PPP2R2B: variants seen among roughly 807,000 people sequenced by gnomAD.
PPP2R2B encodes the protein serine/threonine-protein phosphatase 2A 55 kDa regulatory subunit B beta isoform.
In PPP2R2B, 5 loss-of-function variants were observed where a neutral mutation model predicts 46.0. That is an observed-to-expected ratio of 0.11 (90% CI 0.06 to 0.23). The LOEUF (loss-of-function observed/expected upper bound fraction) is 0.23, where lower values mean the gene tolerates loss of function less well. Ranked by LOEUF, PPP2R2B falls within the 10% of genes least tolerant of loss-of-function variation. The pLI, the probability that PPP2R2B is intolerant of heterozygous loss-of-function variation, is 1.00. For missense variants in PPP2R2B, 367 were observed against 575.0 expected (o/e 0.64, Z 3.70); for synonymous variants, 215 against 206.7 (o/e 1.04, Z -0.34).
At chr5:146,791,033 GA>G (rs1756166720) in intron 2 of PPP2R2B, among the ~76,000 whole-genome samples, 1 of 152,126 alleles carries the variant, frequency 6.6e-6, no homozygotes, top group Non-Finnish European at 1.5e-5. Flanking sequence ...AGATGAAAAA[GA>G]AGAAAAGGCA....
intron 7 of PPP2R2B, among the ~76,000 whole-genome samples, chr5:146,620,532 T>C (rs1272280108): frequency 6.6e-6 from 1 of 152,158 alleles, no homozygotes; most frequent in African/African-American, 2.4e-5. Context: ...GGGCTGGCTT[T>C]ATGAGCGCTC....
chr5:146,963,939 G>C (rs562964693), intron 1 of PPP2R2B, among the ~76,000 whole-genome samples: 2 of 152,244 alleles, frequency 1.3e-5, no homozygotes, highest in South Asian at 4.1e-4. Context: ...TCATTCAGAA[G>C]GTTCTTACAA....
intron 2 of PPP2R2B, among the ~76,000 whole-genome samples, chr5:147,076,047 C>A (rs1757755316): frequency 6.6e-6 from 1 of 152,058 alleles, no homozygotes; most frequent in African/African-American, 2.4e-5. Flanking sequence ...TAACTTACTC[C>A]ATTCCCATAA....
chr5:146,705,063 A>G (rs1045218425), intron 2 of PPP2R2B, among the ~76,000 whole-genome samples: 2 of 152,346 alleles, frequency 1.3e-5, no homozygotes, highest in African/African-American at 4.8e-5. Context: ...AAGTCTACAG[A>G]TGGAATATCT....
At chr5:146,765,566 A>G (rs1289556716) in intron 2 of PPP2R2B, among the ~76,000 whole-genome samples, 2 of 152,240 alleles carry the variant, frequency 1.3e-5, no homozygotes, top group Non-Finnish European at 2.9e-5. Flanking sequence ...TGCCACTCTA[A>G]ATTATAAATA....
intron 6 of PPP2R2B, among the ~76,000 whole-genome samples, chr5:146,641,695 C>T (rs187967204): frequency 6.6e-6 from 1 of 151,912 alleles, no homozygotes; most frequent in African/African-American, 2.4e-5. Flanking sequence ...CTCTAGAAAC[C>T]CAGGCATTTT....
chr5:146,697,827 T>C (rs1391830112), intron 4 of PPP2R2B, 152 bp downstream of exon 4: 4 of 611,074 alleles, frequency 6.5e-6, no homozygotes, highest in African/African-American at 1.9e-5. Flanking sequence ...CGAATCTGTG[T>C]GTGCCAGGCA....
intron 2 of PPP2R2B, among the ~76,000 whole-genome samples, chr5:146,798,518 C>T (rs919179048): frequency 6.6e-6 from 1 of 152,180 alleles, no homozygotes; most frequent in African/African-American, 2.4e-5. Flanking sequence ...AGAGCAGGAG[C>T]TTAAATTATT....
rs374089217 is a variant in PPP2R2B at position 146,788,932 on chromosome 5, C to G, written c.71-87790G>C. 2.1e-4 allele frequency among the ~76,000 whole-genome samples: 32 copies of G among 152,228 alleles called. No individual in the cohort carries two copies. In the South Asian group the frequency reaches 6.2e-3, roughly 30 times the overall value. On this transcript the variant is annotated intron_variant, in intron 2 of 9. Transcript: ENST00000394411. The stretch of plus-strand genomic sequence containing the variant: ...CAAATCAATCTTGCTCACTGTTGTA[C>G]CCCAGCACCTGGCACAAACATTGGT...
chr5:146,838,048 C>T (rs1295822642), intron 2 of PPP2R2B, among the ~76,000 whole-genome samples: 1 of 152,080 alleles, frequency 6.6e-6, no homozygotes, highest in African/African-American at 2.4e-5. Context: ...AACAGTGAGC[C>T]CCCTATGCCC....
rs193016962 is a variant in PPP2R2B at position 146,894,167 on chromosome 5, C to T, written c.79+161498G>A. ...TGCGGTAGCTTCTGGGCAAATATTC[C>T]ACCTCCATGTTACCACAAGTACAAT... On this transcript the variant is annotated intron_variant, in intron 1 of 8. Coordinates refer to the PPP2R2B transcript ENST00000336640. 2.6e-5 allele frequency among the ~76,000 whole-genome samples: 4 copies of T among 152,276 alleles called. No individual in the cohort carries two copies. In the East Asian group the frequency reaches 7.7e-4, roughly 29 times the overall value.
chr5:146,641,023 T>C (rs1581773570), intron 6 of PPP2R2B, among the ~76,000 whole-genome samples: 1 of 152,282 alleles, frequency 6.6e-6, no homozygotes, highest in African/African-American at 2.4e-5. Flanking sequence ...GTTCCAGGGA[T>C]AAACCATGAT....
intron 2 of PPP2R2B, among the ~76,000 whole-genome samples, chr5:146,849,610 A>T (rs1760218454): frequency 6.6e-6 from 1 of 152,294 alleles, no homozygotes; most frequent in African/African-American, 2.4e-5. Context: ...AATCACAACA[A>T]TTTATTAGGG....
exon 1 of PPP2R2B, chr5:147,081,280 A>T: frequency 6.5e-7 from 1 of 1,535,682 alleles, no homozygotes; most frequent in African/African-American, 1.4e-5. Flanking sequence ...GTCAGAGAAG[A>T]GACCCTAGTG....
Position 146,878,290 on chromosome 5 carries a change from C to A in PPP2R2B, c.-124-95G>T. On this transcript the variant is annotated intron_variant, in intron 1 of 9. Transcript: ENST00000394411. This position sits in a 1 kb window ranked among gnomAD's most constrained non-coding sequence, Gnocchi z 4.5. ...CTCGGGTTCTGCGAGGCTGCGGCGG[C>A]TCCTCCCGCGCGGTGCGCTCACTCC... 3 of 1,458,912 alleles carry A rather than the reference C, an allele frequency of 2.1e-6. No homozygotes were observed. In the South Asian group the frequency reaches 4.3e-5, roughly 21 times the overall value. The allele number at this position is 1,458,912 out of a possible 1,614,324, so 90.4% of individuals were successfully genotyped here. A position where few individuals can be genotyped will look rare whatever the true frequency, so the allele number is the denominator to read the frequency against.
At chr5:146,640,021 C>T (rs1346771420) in intron 6 of PPP2R2B, among the ~76,000 whole-genome samples, 1 of 152,114 alleles carries the variant, frequency 6.6e-6, no homozygotes, top group Admixed American at 6.5e-5. Context: ...TAGCATAGTC[C>T]CCTCCTTAGA....
At chr5:146,936,526 AAAG>A (rs1388830245) in intron 1 of PPP2R2B, among the ~76,000 whole-genome samples, 5 of 149,062 alleles carry the variant, frequency 3.4e-5, no homozygotes, top group African/African-American at 1.2e-4. Flanking sequence ...AAAAAAAAAA[AAAG>A]AAAAAACAAG....
intron 2 of PPP2R2B, among the ~76,000 whole-genome samples, chr5:146,838,700 TAAGA>T (rs1759446648): frequency 6.6e-6 from 1 of 152,096 alleles, no homozygotes; most frequent in Non-Finnish European, 1.5e-5. Context: ...ACAAGTGAGT[TAAGA>T]AAGTGATATG....
intron 1 of PPP2R2B, among the ~76,000 whole-genome samples, chr5:147,042,754 G>A (rs1006079922): frequency 7.9e-5 from 12 of 152,152 alleles, no homozygotes; most frequent in African/African-American, 2.9e-4. Context: ...GCAGTGAGAT[G>A]AAGGGTGAGT....
Sources: gnomAD v4.1 joint callset for allele counts (sites outside exome capture counted in the v4.1 genomes callset) on GRCh38, gnomAD v4.1.1 for gene constraint, Gnocchi (gnomAD v3.1) non-coding constraint, MANE v1.5 for transcripts, NCBI Gene and HGNC (gene_info 2026-07-23, HGNC 2026-07-21) for gene names.